UGT2B4: variants seen among roughly 807,000 people sequenced by gnomAD.
UGT2B4 encodes UDP-glucuronosyltransferase 2B4.
In UGT2B4, 49 loss-of-function variants were observed where a neutral mutation model predicts 49.8. That is an observed-to-expected ratio of 0.98 (90% CI 0.78 to 1.25). The LOEUF (loss-of-function observed/expected upper bound fraction) is 1.25. Among genes scored for constraint, UGT2B4 ranks in the 50% most tolerant of loss-of-function variants. The pLI is 0.00. For synonymous variants in UGT2B4, 246 were observed against 217.7 expected, an observed-to-expected ratio of 1.13 and a Z score of -1.14; for missense variants, 729 against 627.7, an observed-to-expected ratio of 1.16 and a Z score of -1.73.
chr4:69,487,864 T>C (rs952917256), intron 3 of UGT2B4, among the ~76,000 whole-genome samples: 4 of 152,152 alleles, frequency 2.6e-5, no homozygotes, highest in Non-Finnish European at 4.4e-5. Context: ...ATGACCTATA[T>C]GCTTTTTTAA....
rs773667282 is a variant in UGT2B4 at position 69,495,736 on chromosome 4, G to A, written c.126C>T (p.Ile42=). 7.4e-6 allele frequency: 12 copies of A among 1,614,026 alleles called. No individual in the cohort carries two copies. The South Asian group carries it at 1.2e-4, about 16-fold the overall frequency. ...EFSHWMNIKT[I]LDELVQRGHE... ...GACCTCTCTGGACAAGTTCATCCAG[G>A]ATTGTCTTTATATTCATCCAGTGGC... Residue 42 remains isoleucine, a synonymous_variant, in exon 1 of 6, where the codon ATC becomes ATT. Coordinates refer to ENST00000305107, the MANE Select transcript of UGT2B4 (RefSeq NM_021139.3).
At chr4:69,490,460 C>G (rs1727950361) in intron 2 of UGT2B4, among the ~76,000 whole-genome samples, 1 of 152,124 alleles carries the variant, frequency 6.6e-6, no homozygotes, top group Non-Finnish European at 1.5e-5. Context: ...CCAGAACTTT[C>G]TGCAGAGATT....
intron 1 of UGT2B4, among the ~76,000 whole-genome samples, chr4:69,520,775 C>T (rs943479956): frequency 7.9e-5 from 12 of 152,054 alleles, no homozygotes; most frequent in East Asian, 1.9e-4. Flanking sequence ...AGGTGCCCCT[C>T]GGTATTAACA....
chr4:69,495,116 G>A (rs1728105140), intron 1 of UGT2B4, 25 bp downstream of exon 1: 1 of 1,504,356 alleles, frequency 6.6e-7, no homozygotes, highest in Admixed American at 2.4e-5. Flanking sequence ...AGATCTTCAT[G>A]TTACCAATCA....
chr4:69,493,102 G>A (rs1359449976), intron 2 of UGT2B4, among the ~76,000 whole-genome samples: 1 of 151,888 alleles, frequency 6.6e-6, no homozygotes, highest in Non-Finnish European at 1.5e-5. Flanking sequence ...TAAACTTTGA[G>A]TCTTGAGAAC....
chr4:69,502,131 TTCTTTCTTTCTTTCTTTC>T (rs1170839023), intron 1 of UGT2B4, among the ~76,000 whole-genome samples: 1 of 142,712 alleles, frequency 7.0e-6, no homozygotes, highest in South Asian at 2.3e-4. Context: ...CTTTCTTTCT[TTCTTTCTTTCTTTCTTTC>T]TCTTTCTTTC....
At chr4:69,521,249 A>G (rs1728843272) in intron 1 of UGT2B4, among the ~76,000 whole-genome samples, 1 of 152,214 alleles carries the variant, frequency 6.6e-6, no homozygotes, top group Non-Finnish European at 1.5e-5. Flanking sequence ...AACACAAACC[A>G]GCCTGAAACA....
intron 1 of UGT2B4, among the ~76,000 whole-genome samples, chr4:69,513,913 C>G (rs1487728096): frequency 1.3e-5 from 2 of 152,046 alleles, no homozygotes; most frequent in African/African-American, 4.8e-5. Context: ...GTGATTTTTG[C>G]ATATTGATTT....
intron 1 of UGT2B4, among the ~76,000 whole-genome samples, chr4:69,520,163 TA>T: frequency 6.6e-6 from 1 of 152,134 alleles, no homozygotes; most frequent in East Asian, 1.9e-4. Flanking sequence ...TTCACACACA[TA>T]TGTATCACAA....
rs770405235 is a variant in UGT2B4, at chr4:69,486,666, C to G, written c.1033G>C (p.Asp345His). 3 of 1,607,740 alleles carry G rather than the reference C, an allele frequency of 1.9e-6. No individual in the cohort carries two copies. In the East Asian group the frequency reaches 6.7e-5, roughly 36 times the overall value. ...AGCCGAGTATTGAGTCCTAAAGTATCTGGTTTATTCCCATCAAATCTCCAC... is the reference window on the plus strand; with the variant it reads ...AGCCGAGTATTGAGTCCTAAAGTATGTGGTTTATTCCCATCAAATCTCCAC... ...VLWRFDGNKP[D>H]TLGLNTRLYK... The change falls in exon 4 of 6, where the codon GAT becomes CAT. Residue 345 changes from aspartate to histidine, a missense_variant. Physicochemically the swap from Asp to His is moderately conservative, Grantham distance 81 (BLOSUM62 -1). Coordinates refer to ENST00000305107, the MANE Select transcript of UGT2B4 (RefSeq NM_021139.3).
intron 2 of UGT2B4, among the ~76,000 whole-genome samples, chr4:69,491,494 C>G (rs978488351): frequency 6.6e-6 from 1 of 151,832 alleles, no homozygotes; most frequent in Non-Finnish European, 1.5e-5. Context: ...TGCCAAGTGT[C>G]CTTTTCTCTT....
At chr4:69,493,929 A>T in intron 1 of UGT2B4, 88 bp from the exon 2 acceptor site, 4 of 1,447,910 alleles carry the variant, frequency 2.8e-6, no homozygotes, top group Non-Finnish European at 3.7e-6. Flanking sequence ...AATGTGGGCA[A>T]AAATGTAGGC....
At chr4:69,520,976 A>T (rs1728838065) in intron 1 of UGT2B4, among the ~76,000 whole-genome samples, 1 of 152,076 alleles carries the variant, frequency 6.6e-6, no homozygotes, top group Middle Eastern at 3.2e-3. Context: ...ATGCCCACTC[A>T]TGTTCAGCCC....
At chr4:69,497,938 C>T (rs569792394), upstream of UGT2B4, among the ~76,000 whole-genome samples, 1 of 152,308 alleles carries the variant, frequency 6.6e-6, no homozygotes, top group East Asian at 1.9e-4. Context: ...GTGCCACAGT[C>T]ACGCCAACTA....
Position 69,512,395 on chromosome 4 carries a change from T to A in UGT2B4, c.-106+13292A>T, listed in dbSNP as rs891637825. 2.0e-5 allele frequency among the ~76,000 whole-genome samples: 3 copies of A among 152,294 alleles called. No individual in the cohort carries two copies. In the South Asian group the frequency reaches 6.2e-4, roughly 32 times the overall value. On this transcript the variant is annotated intron_variant, in intron 1 of 1. Transcript: ENST00000510114. Reference sequence around the variant, plus strand: ...TCTAATTTTCTTTTTCACTTGCTCTTTTATGTATTGCTTATTCGACAGTGT... The same window carrying A: ...TCTAATTTTCTTTTTCACTTGCTCTATTATGTATTGCTTATTCGACAGTGT...
chr4:69,525,606 A>G (rs1298721914), intron 1 of UGT2B4: 15 of 881,548 alleles, frequency 1.7e-5, no homozygotes, highest in Non-Finnish European at 1.9e-5. Flanking sequence ...TATGGGTTAG[A>G]CAATAGATTA....
exon 1 of UGT2B4, chr4:69,525,859 T>C (rs1422820375): frequency 4.2e-6 from 2 of 471,448 alleles, no homozygotes; most frequent in East Asian, 1.1e-4. Flanking sequence ...CCCAGCACTT[T>C]GGGAGGCCAA....
At chr4:69,486,785 A>C in intron 3 of UGT2B4, 89 bp from the exon 4 acceptor site, 2 of 983,806 alleles carry the variant, frequency 2.0e-6, no homozygotes. Context: ...CAATGAGAAG[A>C]ACAAGGGATG....
At chr4:69,523,927 C>T (rs1036063411) in intron 1 of UGT2B4, among the ~76,000 whole-genome samples, 1 of 152,096 alleles carries the variant, frequency 6.6e-6, no homozygotes, top group Non-Finnish European at 1.5e-5. Flanking sequence ...ATGGTGATAG[C>T]TTCTTTTACT....
Sources: allele counts gnomAD v4.1 joint callset (sites outside exome capture counted in the v4.1 genomes callset), GRCh38; gene constraint gnomAD v4.1.1; transcripts MANE v1.5; gene names NCBI Gene and HGNC (gene_info 2026-07-23, HGNC 2026-07-21).